DIS3L2: variants seen among roughly 807,000 people sequenced by gnomAD.
DIS3L2 encodes DIS3 like 3'-5' exoribonuclease 2.
Under a neutral mutation model 97.5 loss-of-function variants are expected in DIS3L2, and 34 were observed. The observed-to-expected ratio is 0.35, with a 90% CI of 0.27 to 0.46. DIS3L2 has a LOEUF of 0.46. Among genes scored for constraint, DIS3L2 ranks in the 20% least tolerant of loss-of-function variants. The pLI is 1.00. For missense variants in DIS3L2, 1,038 were observed against 1,146.0 expected, an observed-to-expected ratio of 0.91 and a Z score of 1.36; for synonymous variants, 435 against 445.2, an observed-to-expected ratio of 0.98 and a Z score of 0.29.
intron 5 of DIS3L2, among the ~76,000 whole-genome samples, chr2:232,079,620 A>AT (rs1469761138): frequency 2.0e-5 from 3 of 150,826 alleles, no homozygotes; most frequent in Admixed American, 1.3e-4. Context: ...AAAAAAAAAA[A>AT]AAAAAGTAAA....
chr2:232,220,110 GAAAAATAA>G (rs1191395519), intron 10 of DIS3L2, among the ~76,000 whole-genome samples: 3 of 130,206 alleles, frequency 2.3e-5, no homozygotes, highest in African/African-American at 6.4e-5. Context: ...AGTCTCTACA[GAAAAATAA>G]ATAAATAAAT....
Position 232,300,026 on chromosome 2 carries a change from C to G in DIS3L2, c.1660-14C>G, listed in dbSNP as rs1177619499. The G allele has an allele frequency of 1.9e-6, 3 of 1,603,468 alleles. No homozygotes were observed. The highest frequency in any genetic ancestry group is 2.6e-6 in the Non-Finnish European group (3 of 1,171,948). ...GCTGCCTAAAACTTCTTTTTCTCTTCTCTCTCTCTTCAGCTAAAGCTTGCT... is the reference window on the plus strand; with the variant it reads ...GCTGCCTAAAACTTCTTTTTCTCTTGTCTCTCTCTTCAGCTAAAGCTTGCT... On this transcript the variant is annotated splice_polypyrimidine_tract_variant and intron_variant, in intron 13 of 20. Transcript: ENST00000325385.
intron 14 of DIS3L2, among the ~76,000 whole-genome samples, chr2:232,313,089 G>T (rs141129094): frequency 3.2e-4 from 48 of 151,996 alleles, no homozygotes; most frequent in East Asian, 3.1e-3. Flanking sequence ...CTCATGCCAT[G>T]TATTTATTTT....
At chr2:231,963,848 AG>A (rs1222464997) in intron 1 of DIS3L2, among the ~76,000 whole-genome samples, 1 of 152,088 alleles carries the variant, frequency 6.6e-6, no homozygotes, top group Non-Finnish European at 1.5e-5. Flanking sequence ...CCTCCCGAGT[AG>A]CTGAGACTAC....
chr2:232,126,026 A>G (rs567287441), intron 6 of DIS3L2, among the ~76,000 whole-genome samples: 2 of 152,326 alleles, frequency 1.3e-5, no homozygotes, highest in East Asian at 3.9e-4. Context: ...CAGAGATTGA[A>G]CAAGCTTGGA....
intron 9 of DIS3L2, among the ~76,000 whole-genome samples, chr2:232,199,222 C>G (rs1369813850): frequency 6.6e-6 from 1 of 152,124 alleles, no homozygotes; most frequent in Non-Finnish European, 1.5e-5. Flanking sequence ...CAATTATTCA[C>G]AGTTATAAAC....
chr2:231,982,118 A>G (rs994543518), intron 1 of DIS3L2, among the ~76,000 whole-genome samples: 1 of 151,880 alleles, frequency 6.6e-6, no homozygotes, highest in Non-Finnish European at 1.5e-5. Flanking sequence ...ACCTCCCCCT[A>G]TTGCTATATA....
intron 9 of DIS3L2, among the ~76,000 whole-genome samples, chr2:232,206,127 G>T (rs1482978340): frequency 6.6e-6 from 1 of 152,226 alleles, no homozygotes. Context: ...GTGCTCCCTT[G>T]AGGAATCTTG....
chr2:232,280,406 T>G (rs1459047459), intron 13 of DIS3L2, among the ~76,000 whole-genome samples: 1 of 152,220 alleles, frequency 6.6e-6, no homozygotes, highest in Non-Finnish European at 1.5e-5. Context: ...CCTCCAAACT[T>G]TCTAGATAAG....
At chr2:232,334,044 C>A (rs1695857863) in intron 17 of DIS3L2, 57 bp downstream of exon 17, 2 of 1,556,620 alleles carry the variant, frequency 1.3e-6, no homozygotes, top group Admixed American at 1.9e-5. Flanking sequence ...CTGCCCACCC[C>A]CACAGTGGGT....
chr2:232,269,034 C>T lies in DIS3L2; in HGVS notation c.1659+5594C>T, dbSNP rs1007015571. Among the ~76,000 whole-genome samples, 2 of 152,192 alleles carry T rather than the reference C, an allele frequency of 1.3e-5. No individual in the cohort carries two copies. Among genetic ancestry groups the T allele is most frequent in the African/African-American group, 2.4e-5 (1 of 41,448 alleles). On this transcript the variant is annotated intron_variant, in intron 13 of 20. Transcript: ENST00000325385. The surrounding 1 kb of genome is among the most constrained non-coding windows in gnomAD (Gnocchi z 4.5). ...CTGAAGCAAAAGGAGCAGGGGTTCT[C>T]ATTTCCCACTTCTGCAAGCTCAGCA...
At chr2:232,272,915 A>G (rs1319525528) in intron 13 of DIS3L2, among the ~76,000 whole-genome samples, 1 of 152,002 alleles carries the variant, frequency 6.6e-6, no homozygotes, top group African/African-American at 2.4e-5. Flanking sequence ...TGAAAGCAAA[A>G]TTGACTCCCA....
At chr2:231,997,274 T>C (rs1190356128) in intron 1 of DIS3L2, among the ~76,000 whole-genome samples, 2 of 152,262 alleles carry the variant, frequency 1.3e-5, no homozygotes, top group Non-Finnish European at 2.9e-5. Flanking sequence ...AACCAACAGC[T>C]GTGTTTGCAA....
rs146085129 is a variant in DIS3L2, at chr2:232,156,593, A to G, written c.951-6866A>G. Among the ~76,000 whole-genome samples, 508 of 152,282 alleles carry G rather than the reference A, an allele frequency of 3.3e-3. 6 individuals carry two copies. The highest frequency in any genetic ancestry group is 0.011 in the African/African-American group (473 of 41,546). On this transcript the variant is annotated intron_variant, in intron 8 of 20. Transcript: ENST00000325385. Reference sequence around the variant, plus strand: ...CCTGGACTTTAGTATTATATTTAAAAAACTGGACATTATAAAATGCTTTTT... The same window carrying G: ...CCTGGACTTTAGTATTATATTTAAAGAACTGGACATTATAAAATGCTTTTT...
rs375273083 is a variant in DIS3L2 at position 231,990,150 on chromosome 2, A to G, written c.-93-24685A>G. Among the ~76,000 whole-genome samples the G allele has an allele frequency of 2.0e-5, 3 of 152,084 alleles. No individual in the cohort carries two copies. In the East Asian group the frequency reaches 5.8e-4, roughly 29 times the overall value. On this transcript the variant is annotated intron_variant, in intron 1 of 20. Transcript: ENST00000325385. The stretch of plus-strand genomic sequence containing the variant: ...GAGCCAAGTGTGAATTCTGACACCA[A>G]TACCTTCCCATGCTTCTTTAGGTTT...
chr2:232,220,501 A>G (rs1351239289), intron 10 of DIS3L2, among the ~76,000 whole-genome samples: 1 of 151,966 alleles, frequency 6.6e-6, no homozygotes, highest in Non-Finnish European at 1.5e-5. Flanking sequence ...CCAGGGCAAG[A>G]TTCGAGACCA....
chr2:232,093,418 G>A (rs1696905432), intron 6 of DIS3L2, among the ~76,000 whole-genome samples: 1 of 152,054 alleles, frequency 6.6e-6, no homozygotes, highest in African/African-American at 2.4e-5. Flanking sequence ...GAGTTTGGAA[G>A]TATTCCCTTC....
intron 6 of DIS3L2, among the ~76,000 whole-genome samples, chr2:232,121,155 A>G (rs1697892114): frequency 2.6e-5 from 4 of 152,132 alleles, no homozygotes. Flanking sequence ...CAGGCACAGC[A>G]TTCTGACTTC....
In DIS3L2 at chr2:232,045,670, C is replaced by CTTTT. The variant is rs35019734; in HGVS notation, c.366+15609_366+15612dup. 3.9e-3 allele frequency among the ~76,000 whole-genome samples: 391 copies of CTTTT among 98,990 alleles called. 6 individuals carry two copies. The highest frequency in any genetic ancestry group is 5.8e-3 in the Non-Finnish European group (302 of 52,024). 64.9% of individuals were successfully genotyped at this position (98,990 alleles called of 152,430 possible). A position where few individuals can be genotyped will look rare whatever the true frequency, so the allele number is the denominator to read the frequency against. On this transcript the variant is annotated intron_variant, in intron 5 of 20. Transcript: ENST00000325385. ...ATATCATCACCTTTTAAAGGCCTCA[C>CTTTT]TTTTTTTTTTTTTTTTTTTTTTGAG...
Sources: gnomAD v4.1 joint callset for allele counts (sites outside exome capture counted in the v4.1 genomes callset) on GRCh38, gnomAD v4.1.1 for gene constraint, Gnocchi (gnomAD v3.1) non-coding constraint, MANE v1.5 for transcripts, NCBI Gene and HGNC (gene_info 2026-07-23, HGNC 2026-07-21) for gene names.